Variants in CCDC144A observed in about 807,000 individuals in gnomAD.
The protein encoded by CCDC144A is coiled-coil domain containing 144A, also known as coiled-coil domain-containing protein 144A.
In CCDC144A, 41 loss-of-function variants were observed where a neutral mutation model predicts 143.8. That is an observed-to-expected ratio of 0.29 (90% CI 0.22 to 0.37). CCDC144A has a LOEUF of 0.37. Among genes scored for constraint, CCDC144A ranks in the 10% least tolerant of loss-of-function variants. The pLI is 1.00. For synonymous variants in CCDC144A, 242 were observed against 517.9 expected (o/e 0.47, Z 7.23); for missense variants, 637 against 1,488.8 (o/e 0.43, Z 9.41).
chr17:16,680,232 C>G, the CCDC144A span, among the ~76,000 whole-genome samples: 1 of 151,934 alleles, frequency 6.6e-6, no homozygotes, highest in South Asian at 2.1e-4. Flanking sequence ...CATTCGAGAC[C>G]AGCCTGGGCA....
chr17:16,714,828 A>T (rs1912651417), intron 6 of CCDC144A, among the ~76,000 whole-genome samples: 1 of 151,674 alleles, frequency 6.6e-6, no homozygotes, highest in Non-Finnish European at 1.5e-5. Context: ...TCTCTCTCTC[A>T]CTTAAACTTC....
chr17:16,668,519 A>G, the CCDC144A span, among the ~76,000 whole-genome samples: 1 of 152,374 alleles, frequency 6.6e-6, no homozygotes, highest in East Asian at 1.9e-4. Flanking sequence ...GCTTGGACAC[A>G]AACACTCTTA....
chr17:16,708,292 G>T (rs1204381026), intron 4 of CCDC144A, among the ~76,000 whole-genome samples: 1 of 152,062 alleles, frequency 6.6e-6, no homozygotes. Context: ...CTTTCTGATT[G>T]GTGTTGATTC....
the CCDC144A span, among the ~76,000 whole-genome samples, chr17:16,681,099 CT>C: frequency 6.6e-6 from 1 of 151,820 alleles, no homozygotes; most frequent in Admixed American, 6.6e-5. Flanking sequence ...AGATGAATAA[CT>C]TGAAAAAGTA....
At chr17:16,737,513 T>A in intron 12 of CCDC144A, 1 of 1,257,368 alleles carries the variant, frequency 8.0e-7, no homozygotes, top group South Asian at 1.4e-5. Flanking sequence ...GATTTATAAA[T>A]CAGTAACAAA....
intron 15 of CCDC144A, among the ~76,000 whole-genome samples, chr17:16,770,603 GT>G (rs1290989060): frequency 6.6e-6 from 1 of 151,690 alleles, no homozygotes; most frequent in African/African-American, 2.4e-5. Context: ...CTCCGAGCCT[GT>G]TTTGTTTCTT....
Position 16,708,969 on chromosome 17 carries a change from A to C in CCDC144A, c.912A>C (p.Glu304Asp). The C allele has an allele frequency of 9.9e-6, 16 of 1,611,676 alleles. No individual in the cohort carries two copies. Among genetic ancestry groups the C allele is most frequent in the Middle Eastern group, 4.5e-4 (2 of 4,426 alleles). ...ATGAGTTAAAGCAGAGGTTTGGTGAAATTTATGAAAAATACAAAATTCCGG... is the reference window on the plus strand; with the variant it reads ...ATGAGTTAAAGCAGAGGTTTGGTGACATTTATGAAAAATACAAAATTCCGG... ...VINELKQRFG[E>D]IYEKYKIPAC... The change falls in exon 5 of 17, where the codon GAA (glutamate) becomes GAC (aspartate). Residue 304 changes from glutamate (E) to aspartate (D), a missense_variant. Transcript: ENST00000399273.
rs1263167572 is a variant in CCDC144A at position 16,757,619 on chromosome 17, C to G, written c.3373-3806C>G. Among the ~76,000 whole-genome samples the G allele has an allele frequency of 2.0e-5, 3 of 152,352 alleles. No individual in the cohort carries two copies. In the East Asian group the frequency reaches 5.8e-4, roughly 29 times the overall value. ...CATATGGCTCACATGGGCGCCACCC[C>G]TGGTGGGCTTGACAGGCTTGTTCTC... On this transcript the variant is annotated intron_variant, in intron 12 of 16. Transcript: ENST00000399273.
At chr17:16,746,573 T>A (rs1914532414) in intron 12 of CCDC144A, 7 of 1,613,748 alleles carry the variant, frequency 4.3e-6, no homozygotes, top group Admixed American at 3.3e-5. Flanking sequence ...GATATATCCA[T>A]CAAAACGATC....
chr17:16,773,016 A>G (rs183223236), intron 16 of CCDC144A, among the ~76,000 whole-genome samples: 261 of 152,284 alleles, frequency 1.7e-3, no homozygotes, highest in Non-Finnish European at 2.9e-3. Context: ...TCATTAATTT[A>G]GTGTGCAACT....
At chr17:16,678,710 A>C in the CCDC144A span, among the ~76,000 whole-genome samples, 1 of 139,804 alleles carries the variant, frequency 7.2e-6, no homozygotes, top group Non-Finnish European at 1.5e-5. Context: ...CCTCCCAAGT[A>C]GCTGGGACTA....
At chr17:16,699,480 A>G (rs1403061984) in intron 2 of CCDC144A, among the ~76,000 whole-genome samples, 1 of 99,554 alleles carries the variant, frequency 1.0e-5, no homozygotes, top group African/African-American at 4.2e-5. Flanking sequence ...GGTTCACACC[A>G]TTCTCCTGCC....
At chr17:16,739,120 GC>G (rs1422977794) in intron 12 of CCDC144A, among the ~76,000 whole-genome samples, 3 of 137,146 alleles carry the variant, frequency 2.2e-5, no homozygotes, top group South Asian at 2.6e-4. Context: ...CAAATCTTTT[GC>G]CCACATTAAA....
Position 16,729,218 on chromosome 17 carries a change from C to A in CCDC144A, c.2105+1478C>A, listed in dbSNP as rs1216935177. Among the ~76,000 whole-genome samples the A allele has an allele frequency of 2.0e-5, 3 of 152,278 alleles. No homozygotes were observed. In the East Asian group the frequency reaches 5.8e-4, roughly 29 times the overall value. Reference sequence around the variant, plus strand: ...TACATTTCCACCAGCAGTGTATAAGCATTTCCTTTTCACCACATCTGCACC... The same window carrying A: ...TACATTTCCACCAGCAGTGTATAAGAATTTCCTTTTCACCACATCTGCACC... On this transcript the variant is annotated intron_variant, in intron 9 of 16. Coordinates refer to ENST00000399273, the MANE Select transcript of CCDC144A (RefSeq NM_001382000.1).
At chr17:16,769,313 C>CT (rs1310519369) in intron 15 of CCDC144A, among the ~76,000 whole-genome samples, 9 of 152,246 alleles carry the variant, frequency 5.9e-5, no homozygotes, top group African/African-American at 2.2e-4. Context: ...TAGAGAGAGT[C>CT]TAAGTCCTCA....
At chr17:16,680,561 GAGAGAGAAAGAA>G in the CCDC144A span, among the ~76,000 whole-genome samples, 1 of 144,990 alleles carries the variant, frequency 6.9e-6, no homozygotes, top group African/African-American at 2.6e-5. Context: ...AAGAAAGAGA[GAGAGAGAAAGAA>G]AGAGAGAAAG....
intron 2 of CCDC144A, among the ~76,000 whole-genome samples, chr17:16,698,416 C>T (rs544717337): frequency 1.2e-4 from 19 of 152,082 alleles, no homozygotes; most frequent in Admixed American, 3.3e-4. Context: ...TTGTGGGGTT[C>T]GCTGTTTATG....
chr17:16,695,035 C>T (rs1911316786), intron 2 of CCDC144A, among the ~76,000 whole-genome samples: 1 of 152,142 alleles, frequency 6.6e-6, no homozygotes. Context: ...TAAGAGGACA[C>T]CTTTAATTTA....
chr17:16,746,137 C>T, intron 12 of CCDC144A: 2 of 1,577,556 alleles, frequency 1.3e-6, no homozygotes. Flanking sequence ...TGCTTGCCAC[C>T]TCCAGTATCA....
Sources: allele counts gnomAD v4.1 joint callset (sites outside exome capture counted in the v4.1 genomes callset), GRCh38; gene constraint gnomAD v4.1.1; transcripts MANE v1.5; gene names NCBI Gene and HGNC (gene_info 2026-07-23, HGNC 2026-07-21).